Variants in UBAP2 observed in about 807,000 individuals in gnomAD.
UBAP2 encodes ubiquitin-associated protein 2.
Under a neutral mutation model 139.6 loss-of-function variants are expected in UBAP2, and 75 were observed. The ratio of observed to expected loss-of-function variants is 0.54; its 90% CI spans 0.45 to 0.65. UBAP2 has a LOEUF of 0.65. Among genes scored for constraint, UBAP2 ranks in the 30% least tolerant of loss-of-function variants. The pLI, the probability that UBAP2 is intolerant of heterozygous loss-of-function variation, is 0.00. For synonymous variants in UBAP2, 526 were observed against 526.2 expected (o/e 1.00, Z 0.01); for missense variants, 1,368 against 1,369.6 (o/e 1.00, Z 0.02).
At chr9:34,014,639 A>G (rs1346307119) in intron 2 of UBAP2, among the ~76,000 whole-genome samples, 1 of 151,964 alleles carries the variant, frequency 6.6e-6, no homozygotes, top group Non-Finnish European at 1.5e-5. Context: ...GAAGAAACAA[A>G]AAAAAATTAG....
chr9:34,008,597 G>T (rs1486697268), intron 2 of UBAP2, among the ~76,000 whole-genome samples: 2 of 148,846 alleles, frequency 1.3e-5, no homozygotes, highest in African/African-American at 5.0e-5. Context: ...AAATCAAAAT[G>T]CAACAGAGAT....
chr9:33,942,423 TAAAAC>T (rs140656279), intron 15 of UBAP2, among the ~76,000 whole-genome samples: 11,954 of 147,848 alleles, frequency 0.081, 667 homozygotes, highest in Non-Finnish European at 0.12. Context: ...GTGAAAAAAC[TAAAAC>T]AACAACAACA....
Position 33,932,565 on chromosome 9 carries a change from G to T in UBAP2, c.2172C>A (p.His724Gln), listed in dbSNP as rs766503670. The T allele has an allele frequency of 1.2e-6, 2 of 1,613,984 alleles. No homozygotes were observed. Among genetic ancestry groups the T allele is most frequent in the Non-Finnish European group, 1.7e-6 (2 of 1,180,030 alleles). ...AHAALSSSTS[H>Q]THASVESASS... ...AGGAAGCCGCGCAGACACTTACTGT[G>T]TGTGACGTGCTCGAGGAGAGGGCTG... The change falls in exon 19 of 29, where the codon CAC (histidine) becomes CAA (glutamine). Residue 724 changes from histidine (H) to glutamine (Q), a missense_variant. Physicochemically the swap from His to Gln is conservative, Grantham distance 24. Transcript: ENST00000379238.
intron 4 of UBAP2, chr9:33,995,647 A>G (rs1029660430): frequency 6.9e-6 from 1 of 144,108 alleles, no homozygotes; most frequent in Non-Finnish European, 1.5e-5. Context: ...ATGTATAAAA[A>G]CTATAATATA....
At position 34,018,817 on chromosome 9, in the gene UBAP2, C is replaced by T. The variant is rs561354670; in HGVS notation, c.-41-1628G>A. On this transcript the variant is annotated intron_variant, in intron 1 of 28. Coordinates refer to ENST00000379238, the MANE Select transcript of UBAP2 (RefSeq NM_001370062.2). ...GGTGGAGCTTGCAGTGAGCTGAGATCGTGCCACTGCGCTCCAGCCTGGGCA... is the reference window on the plus strand; with the variant it reads ...GGTGGAGCTTGCAGTGAGCTGAGATTGTGCCACTGCGCTCCAGCCTGGGCA... Among the ~76,000 whole-genome samples the T allele has an allele frequency of 3.9e-4, 59 of 152,012 alleles. No individual in the cohort carries two copies. The East Asian group carries it at 0.01, about 27-fold the overall frequency.
chr9:34,019,516 G>T (rs1462357287), intron 1 of UBAP2, among the ~76,000 whole-genome samples: 1 of 152,108 alleles, frequency 6.6e-6, no homozygotes, highest in Non-Finnish European at 1.5e-5. Flanking sequence ...CTGGGGGTAG[G>T]GGAAGAATGG....
chr9:33,947,784 C>T (rs946745599), intron 13 of UBAP2, among the ~76,000 whole-genome samples: 3 of 150,918 alleles, frequency 2.0e-5, no homozygotes, highest in African/African-American at 4.9e-5. Flanking sequence ...GTTACTGTGC[C>T]ACTGTACTCC....
chr9:33,998,732 TA>T, intron 3 of UBAP2, 54 bp downstream of exon 3: 1 of 1,509,520 alleles, frequency 6.6e-7, no homozygotes, highest in South Asian at 1.2e-5. Flanking sequence ...ATTATCTTTT[TA>T]AGCACAATCA....
chr9:33,926,627 CG>C lies in UBAP2; in HGVS notation c.2500del (p.Arg834GlyfsTer24). 1 of 1,614,164 alleles carries C rather than the reference CG, an allele frequency of 6.2e-7. No individual in the cohort carries two copies. Among genetic ancestry groups the C allele is most frequent in the Non-Finnish European group, 8.5e-7 (1 of 1,180,018 alleles). On this transcript the variant is annotated frameshift_variant, in exon 22 of 29. Transcript: ENST00000379238. LOFTEE classifies it high-confidence loss of function. ...GYDELQMLQS[R>X]LPVDYYGIPF... is the part of the protein sequence containing the mutation. ...CCATACCCCACTCACCACTGGCAGC[CG>C]TGACTGCAGCATCTGGAGCTCGTCA...
chr9:34,017,009 A>G (rs772703776), intron 2 of UBAP2, 41 bp downstream of exon 2: 1 of 1,401,846 alleles, frequency 7.1e-7, no homozygotes, highest in Non-Finnish European at 9.6e-7. Context: ...TAATAAAAGA[A>G]AAAAAAGGAA....
At chr9:33,984,588 G>C (rs1483390340) in intron 6 of UBAP2, among the ~76,000 whole-genome samples, 1 of 151,764 alleles carries the variant, frequency 6.6e-6, no homozygotes. Context: ...TGAGGTGGAA[G>C]TATCACTTGA....
At chr9:33,957,353 G>A (rs1000890722) in intron 10 of UBAP2, among the ~76,000 whole-genome samples, 6 of 152,122 alleles carry the variant, frequency 3.9e-5, no homozygotes, top group African/African-American at 1.4e-4. Flanking sequence ...AATTAGGACG[G>A]TGAACATATT....
At chr9:33,969,921 C>CTT (rs1173625005) in intron 8 of UBAP2, among the ~76,000 whole-genome samples, 32 of 46,182 alleles carry the variant, frequency 6.9e-4, no homozygotes, top group East Asian at 2.2e-3. Flanking sequence ...GTGTATAATT[C>CTT]TTTTTTTTTT....
intron 4 of UBAP2, among the ~76,000 whole-genome samples, chr9:33,993,311 T>C (rs1300027529): frequency 6.6e-6 from 1 of 152,190 alleles, no homozygotes. Flanking sequence ...CTGTCAACCC[T>C]ACTCCAATTA....
intron 26 of UBAP2, 23 bp from the exon 27 acceptor site, chr9:33,923,056 C>T (rs755334221): frequency 6.2e-7 from 1 of 1,614,008 alleles, no homozygotes; most frequent in East Asian, 2.2e-5. Context: ...GCAGTTGTTC[C>T]CCACAGCAGT....
Position 33,935,841 on chromosome 9 carries a change from T to C in UBAP2, c.1967A>G (p.Asp656Gly). The C allele has an allele frequency of 6.2e-7, 1 of 1,614,022 alleles. No individual in the cohort carries two copies. The highest frequency in any genetic ancestry group is 1.1e-5 in the South Asian group (1 of 91,028). The change falls in exon 17 of 29, where the codon GAC becomes GGC. Residue 656 changes from aspartate to glycine, a missense_variant and splice_region_variant. Asp to Gly is a moderately conservative substitution (Grantham distance 94, BLOSUM62 -1). Coordinates refer to ENST00000379238, the MANE Select transcript of UBAP2 (RefSeq NM_001370062.2). ...GAGTAGCTTGCTGCTATACTTACTG[T>C]CTAGTGTCTGCTGACTTCGACCACC... The part of the protein sequence containing the change: ...HGGGRSQQTL[D>G]TPKTTGPPSA...
chr9:34,020,401 T>G (rs1156360458), intron 1 of UBAP2, among the ~76,000 whole-genome samples: 1 of 151,656 alleles, frequency 6.6e-6, no homozygotes, highest in African/African-American at 2.4e-5. Flanking sequence ...CTCGGCTCAC[T>G]GCAACCTCCA....
At chr9:33,972,036 G>A (rs307681) in intron 7 of UBAP2, among the ~76,000 whole-genome samples, 6,149 of 152,246 alleles carry the variant, frequency 0.04, 271 homozygotes, top group African/African-American at 0.1. Flanking sequence ...ACAAGGAGAC[G>A]TATAATCTTT....
rs557389873 is a variant in UBAP2 at position 34,035,892 on chromosome 9, C to G, written c.-42+12933G>C. 2.6e-3 allele frequency among the ~76,000 whole-genome samples: 221 copies of G among 86,322 alleles called. 2 individuals carry two copies. Among genetic ancestry groups the G allele is most frequent in the African/African-American group, 7.2e-3 (213 of 29,640 alleles). The allele number at this position is 86,322 out of a possible 152,430, so 56.6% of individuals were successfully genotyped here. On this transcript the variant is annotated intron_variant, in intron 1 of 28. Coordinates refer to ENST00000379238, the MANE Select transcript of UBAP2 (RefSeq NM_001370062.2). ...TTTACTCAAGGACATACTGCACATT[C>G]TCTCTTTTTTTTTTTGAGTGGGGGA...
Sources: allele counts gnomAD v4.1 joint callset (sites outside exome capture counted in the v4.1 genomes callset), GRCh38; gene constraint gnomAD v4.1.1; transcripts MANE v1.5; gene names NCBI Gene and HGNC (gene_info 2026-07-23, HGNC 2026-07-21).